CNBD1: variants seen among roughly 807,000 people sequenced by gnomAD.
CNBD1 encodes the protein cyclic nucleotide binding domain containing 1.
A neutral mutation model predicts 54.4 loss-of-function variants in CNBD1; 71 were observed. The observed-to-expected ratio is 1.30, with a 90% confidence interval of 1.08 to 1.59. The LOEUF is 1.59. Among genes scored for constraint, CNBD1 ranks in the 40% most tolerant of loss-of-function variants. The pLI, the probability that CNBD1 is intolerant of heterozygous loss-of-function variation, is 0.00. For synonymous variants in CNBD1, 182 were observed against 170.7 expected (o/e 1.07, Z -0.51); for missense variants, 659 against 518.0 (o/e 1.27, Z -2.64).
intron 4 of CNBD1, among the ~76,000 whole-genome samples, chr8:87,058,181 C>T (rs938971931): frequency 9.9e-5 from 15 of 152,198 alleles, no homozygotes; most frequent in African/African-American, 3.4e-4. Context: ...TTTGACTCCA[C>T]GTGTCACAGC....
intron 4 of CNBD1, among the ~76,000 whole-genome samples, chr8:87,008,396 C>T (rs935241912): frequency 3.9e-5 from 6 of 152,094 alleles, no homozygotes; most frequent in Non-Finnish European, 7.3e-5. Flanking sequence ...CTGATTTTCT[C>T]AGATGTTTTA....
At chr8:86,934,490 A>G (rs1809510907) in intron 3 of CNBD1, among the ~76,000 whole-genome samples, 1 of 152,104 alleles carries the variant, frequency 6.6e-6, no homozygotes. Context: ...TTTTGTAGTT[A>G]TTTTAATTTT....
At chr8:86,996,269 A>G (rs999739941) in intron 4 of CNBD1, among the ~76,000 whole-genome samples, 3 of 152,216 alleles carry the variant, frequency 2.0e-5, no homozygotes, top group Admixed American at 6.5e-5. Flanking sequence ...CTTCTGTTGT[A>G]TGTTTCATAT....
intron 8 of CNBD1, among the ~76,000 whole-genome samples, chr8:87,301,368 C>T (rs1441509838): frequency 6.6e-6 from 1 of 152,072 alleles, no homozygotes; most frequent in Middle Eastern, 3.2e-3. Flanking sequence ...CACCCTAATA[C>T]CAAAACCAGG....
chr8:87,011,026 C>T (rs1809209364), intron 4 of CNBD1, among the ~76,000 whole-genome samples: 1 of 152,030 alleles, frequency 6.6e-6, no homozygotes, highest in Non-Finnish European at 1.5e-5. Context: ...TCTTTTCTGG[C>T]AGAGAGAATG....
chr8:87,111,571 T>C (rs1811663209), intron 4 of CNBD1, among the ~76,000 whole-genome samples: 1 of 152,170 alleles, frequency 6.6e-6, no homozygotes, highest in Non-Finnish European at 1.5e-5. Context: ...CCTCTCTCAG[T>C]TGATGCAGCC....
At chr8:86,980,421 C>T (rs548847820) in intron 4 of CNBD1, among the ~76,000 whole-genome samples, 1 of 152,336 alleles carries the variant, frequency 6.6e-6, no homozygotes, top group South Asian at 2.1e-4. Context: ...GCATATCTGG[C>T]TCACTGCTCT....
intron 4 of CNBD1, among the ~76,000 whole-genome samples, chr8:86,941,368 A>G (rs55749302): frequency 2.0e-5 from 3 of 152,350 alleles, no homozygotes; most frequent in South Asian, 2.1e-4. Context: ...GATCTAAGGC[A>G]TACTATGCTA....
chr8:86,945,282 A>C (rs898163083), intron 4 of CNBD1, among the ~76,000 whole-genome samples: 2 of 152,056 alleles, frequency 1.3e-5, no homozygotes, highest in African/African-American at 4.8e-5. Context: ...TTTTTCTTCT[A>C]CTTTCTCCAA....
At chr8:87,134,364 T>A (rs550190596) in intron 4 of CNBD1, among the ~76,000 whole-genome samples, 127 of 152,172 alleles carry the variant, frequency 8.3e-4, no homozygotes, top group African/African-American at 2.8e-3. Context: ...TCGTAAAATG[T>A]CGTTAGCAAC....
intron 5 of CNBD1, among the ~76,000 whole-genome samples, chr8:87,233,207 T>C (rs1025825646): frequency 2.6e-5 from 4 of 152,184 alleles, no homozygotes; most frequent in Non-Finnish European, 5.9e-5. Flanking sequence ...CCTAGGAGTA[T>C]ATGATTCTCC....
At chr8:87,171,649 T>C (rs1202254449) in intron 4 of CNBD1, among the ~76,000 whole-genome samples, 2 of 151,958 alleles carry the variant, frequency 1.3e-5, no homozygotes, top group Admixed American at 6.6e-5. Flanking sequence ...TCTTTTTTTT[T>C]CTTTTTTGAG....
At chr8:86,988,234 AG>A (rs1428956629) in intron 4 of CNBD1, among the ~76,000 whole-genome samples, 2 of 149,918 alleles carry the variant, frequency 1.3e-5, no homozygotes, top group African/African-American at 4.9e-5. Context: ...CAATTTCCAG[AG>A]GTTGTATGTT....
At chr8:87,019,548 G>A (rs1412919836) in intron 4 of CNBD1, among the ~76,000 whole-genome samples, 1 of 152,180 alleles carries the variant, frequency 6.6e-6, no homozygotes, top group East Asian at 1.9e-4. Context: ...CCCTCCTCAG[G>A]ATGCTATATC....
In CNBD1 at chr8:87,272,285, G is replaced by A. The variant is rs536499077; in HGVS notation, c.772-12393G>A. 3.3e-5 allele frequency among the ~76,000 whole-genome samples: 5 copies of A among 152,090 alleles called. 1 individual carries two copies. Among genetic ancestry groups the A allele is most frequent in the African/African-American group, 9.6e-5 (4 of 41,530 alleles). On this transcript the variant is annotated intron_variant, in intron 6 of 10. Coordinates refer to ENST00000518476, the MANE Select transcript of CNBD1 (RefSeq NM_173538.3). ...AATATTTAAAGTGATGGACATCCCA[G>A]TTACTCTGATTTGATTATATAAATG...
chr8:86,945,196 G>T (rs1374990481), intron 4 of CNBD1, among the ~76,000 whole-genome samples: 1 of 152,180 alleles, frequency 6.6e-6, no homozygotes, highest in Non-Finnish European at 1.5e-5. Context: ...TGTGGAAAGG[G>T]TAGGAGAAGA....
At chr8:87,223,438 G>C (rs1415669401) in intron 5 of CNBD1, among the ~76,000 whole-genome samples, 1 of 140,952 alleles carries the variant, frequency 7.1e-6, no homozygotes, top group Non-Finnish European at 1.5e-5. Flanking sequence ...TCCCCTTCCT[G>C]TGTCCATGTG....
intron 4 of CNBD1, among the ~76,000 whole-genome samples, chr8:87,046,263 T>G (rs2130617232): frequency 6.6e-6 from 1 of 152,226 alleles, no homozygotes; most frequent in East Asian, 1.9e-4. Flanking sequence ...CAAATCAAAA[T>G]AGGCCTCTGG....
chr8:87,143,195 C>T (rs1812407636), intron 4 of CNBD1, among the ~76,000 whole-genome samples: 1 of 152,124 alleles, frequency 6.6e-6, no homozygotes, highest in Non-Finnish European at 1.5e-5. Context: ...GTATAGCTAA[C>T]CTTTAATTCC....
Sources: allele counts gnomAD v4.1 joint callset (sites outside exome capture counted in the v4.1 genomes callset), GRCh38; gene constraint gnomAD v4.1.1; transcripts MANE v1.5; gene names NCBI Gene and HGNC (gene_info 2026-07-23, HGNC 2026-07-21).